Variants in SIPA1L1 observed in about 807,000 individuals in gnomAD.
The protein encoded by SIPA1L1 is signal-induced proliferation-associated 1-like protein 1.
Under a neutral mutation model 162.7 loss-of-function variants are expected in SIPA1L1, and 26 were observed. That is an observed-to-expected ratio of 0.16 (90% CI 0.12 to 0.22). The LOEUF (loss-of-function observed/expected upper bound fraction) is 0.22, where lower values mean the gene tolerates loss of function less well. Ranked by LOEUF, SIPA1L1 falls within the 10% of genes least tolerant of loss-of-function variation. The pLI is 1.00. For synonymous variants in SIPA1L1, 829 were observed against 837.4 expected (o/e 0.99, Z 0.17); for missense variants, 1,874 against 2,241.0 (o/e 0.84, Z 3.31).
chr14:71,420,163 T>A (rs2043081626), intron 2 of SIPA1L1, among the ~76,000 whole-genome samples: 1 of 152,226 alleles, frequency 6.6e-6, no homozygotes, highest in Admixed American at 6.5e-5. Context: ...GTAGAGAACA[T>A]TTTGCTTAGT....
intron 2 of SIPA1L1, among the ~76,000 whole-genome samples, chr14:71,329,272 A>G (rs563550630): frequency 6.6e-6 from 1 of 152,310 alleles, no homozygotes; most frequent in African/African-American, 2.4e-5. Flanking sequence ...ATATACCCAG[A>G]AGCGGGATTG....
intron 4 of SIPA1L1, among the ~76,000 whole-genome samples, chr14:71,548,864 C>T (rs1041646929): frequency 4.9e-5 from 7 of 141,732 alleles, no homozygotes; most frequent in Non-Finnish European, 1.1e-4. Context: ...CTCCACTGTA[C>T]TCCAGCCTGG....
intron 2 of SIPA1L1, among the ~76,000 whole-genome samples, chr14:71,328,646 C>G (rs991186068): frequency 6.6e-6 from 1 of 152,064 alleles, no homozygotes; most frequent in Non-Finnish European, 1.5e-5. Context: ...CCCATTGATT[C>G]AAAAAGATAA....
chr14:71,472,866 A>AG (rs397811530), intron 2 of SIPA1L1, among the ~76,000 whole-genome samples: 14 of 148,388 alleles, frequency 9.4e-5, no homozygotes, highest in Non-Finnish European at 1.6e-4. Context: ...AAAAAAAAAA[A>AG]GCAGGGTCTT....
chr14:71,519,673 A>T (rs1003000485), intron 3 of SIPA1L1, among the ~76,000 whole-genome samples: 15 of 100,578 alleles, frequency 1.5e-4, no homozygotes, highest in East Asian at 4.8e-4. Context: ...CAAATAAATT[A>T]AAAAAAAAAA....
chr14:71,615,505 C>T (rs975307881), intron 5 of SIPA1L1, among the ~76,000 whole-genome samples: 2 of 152,060 alleles, frequency 1.3e-5, no homozygotes, highest in African/African-American at 2.4e-5. Context: ...CAGTGGCAGT[C>T]GGATGAGAAA....
intron 2 of SIPA1L1, among the ~76,000 whole-genome samples, chr14:71,356,587 A>AAAAAAAAAAAG (rs1555403582): frequency 6.8e-6 from 1 of 146,808 alleles, no homozygotes; most frequent in African/African-American, 2.5e-5. Context: ...AAAAAAAAAA[A>AAAAAAAAAAAG]GCACACCTGT....
chr14:71,430,651 A>G (rs1401185108), intron 2 of SIPA1L1, among the ~76,000 whole-genome samples: 1 of 152,246 alleles, frequency 6.6e-6, no homozygotes, highest in Non-Finnish European at 1.5e-5. Context: ...TGAGTGTCAC[A>G]TAATGTGTAG....
chr14:71,656,514 A>G (rs1171367050), intron 8 of SIPA1L1, among the ~76,000 whole-genome samples: 1 of 152,234 alleles, frequency 6.6e-6, no homozygotes. Flanking sequence ...CCTGTCTTAA[A>G]TAGTTCAGTT....
At chr14:71,728,729 C>T (rs1252465229) in intron 19 of SIPA1L1, among the ~76,000 whole-genome samples, 1 of 152,232 alleles carries the variant, frequency 6.6e-6, no homozygotes, top group Non-Finnish European at 1.5e-5. Context: ...AGCAGTGACA[C>T]CCTCCTCACA....
intron 2 of SIPA1L1, among the ~76,000 whole-genome samples, chr14:71,408,340 T>C (rs2042169631): frequency 6.6e-6 from 1 of 152,016 alleles, no homozygotes; most frequent in African/African-American, 2.4e-5. Flanking sequence ...TGTCACTAAT[T>C]TCATGTTTCA....
intron 4 of SIPA1L1, among the ~76,000 whole-genome samples, chr14:71,538,367 G>C (rs2054086892): frequency 6.6e-6 from 1 of 152,092 alleles, no homozygotes; most frequent in Non-Finnish European, 1.5e-5. Flanking sequence ...GAGTCCTCTA[G>C]AGGTGGTATG....
intron 13 of SIPA1L1, among the ~76,000 whole-genome samples, chr14:71,695,689 C>G (rs934263772): frequency 1.3e-5 from 2 of 152,224 alleles, no homozygotes; most frequent in African/African-American, 4.8e-5. Flanking sequence ...TTAATCTTCA[C>G]TGGGTTAACA....
intron 13 of SIPA1L1, among the ~76,000 whole-genome samples, chr14:71,692,329 G>A (rs1404952629): frequency 1.3e-5 from 2 of 152,174 alleles, no homozygotes; most frequent in African/African-American, 4.8e-5. Context: ...TATATTGCTG[G>A]TAGAGCTTTT....
intron 2 of SIPA1L1, among the ~76,000 whole-genome samples, chr14:71,481,780 C>G (rs921195328): frequency 1.3e-5 from 2 of 152,076 alleles, no homozygotes; most frequent in African/African-American, 4.8e-5. Context: ...GAAATCCACC[C>G]CCGGAGGCCA....
chr14:71,702,461 C>T lies in SIPA1L1; in HGVS notation c.3602C>T (p.Thr1201Met), dbSNP rs753081355. The change falls in exon 15 of 24, where the codon ACG becomes ATG. Residue 1201 changes from threonine to methionine, a missense_variant. Around this residue, in one of 5 missense-constraint regions of SIPA1L1, gnomAD observed 936 missense variants for 1,051.9 expected, o/e 0.89. Coordinates refer to ENST00000381232, the MANE Select transcript of SIPA1L1 (RefSeq NM_001386936.1). The stretch of plus-strand genomic sequence containing the variant: ...GATATTGGTGGCAGCGGAAAATCCA[C>T]GCCTAGCTGGCAAAGAAGTGAGGAT... ...QSDIGGSGKS[T>M]PSWQRSEDSI... 19 of 1,614,044 alleles carry T rather than the reference C, an allele frequency of 1.2e-5. No homozygotes were observed. The highest frequency in any genetic ancestry group is 8.8e-5 in the South Asian group (8 of 91,092).
rs968856401 is a variant in SIPA1L1, at chr14:71,581,746, A to G, written c.-302-5825A>G. On this transcript the variant is annotated intron_variant, in intron 4 of 23. Transcript: ENST00000381232. Reference sequence around the variant, plus strand: ...CTTGCTATCCTGATGGCAGGCATGGAAACTCTCAATGCCCCCAATAAGTTA... The same window carrying G: ...CTTGCTATCCTGATGGCAGGCATGGGAACTCTCAATGCCCCCAATAAGTTA... 2.0e-5 allele frequency among the ~76,000 whole-genome samples: 3 copies of G among 152,126 alleles called. No homozygotes were observed. In the South Asian group the frequency reaches 6.2e-4, roughly 32 times the overall value.
intron 2 of SIPA1L1, among the ~76,000 whole-genome samples, chr14:71,478,616 C>G (rs2048071061): frequency 6.6e-6 from 1 of 152,160 alleles, no homozygotes; most frequent in South Asian, 2.1e-4. Flanking sequence ...CAATCTTTCT[C>G]CATTGAATTG....
At chr14:71,724,391 C>T (rs1021381295) in intron 18 of SIPA1L1, among the ~76,000 whole-genome samples, 9 of 152,058 alleles carry the variant, frequency 5.9e-5, no homozygotes, top group Middle Eastern at 3.2e-3. Flanking sequence ...ACCCTGTGGT[C>T]GTTTAGTAAA....
Sources: allele counts gnomAD v4.1 joint callset (sites outside exome capture counted in the v4.1 genomes callset), GRCh38; gene constraint gnomAD v4.1.1; regional missense constraint gnomAD v4.1.1; transcripts MANE v1.5; gene names NCBI Gene and HGNC (gene_info 2026-07-23, HGNC 2026-07-21).